The following BAIAP2 variants were observed in gnomAD, a reference collection of about 807,000 sequenced individuals.
BAIAP2 encodes the protein BAR/IMD domain containing adaptor protein 2.
In BAIAP2, 18 loss-of-function variants were observed where a neutral mutation model predicts 63.0. The observed-to-expected ratio is 0.29, with a 90% confidence interval of 0.20 to 0.42. BAIAP2 has a LOEUF of 0.42. BAIAP2 is among the 10% of genes least tolerant of loss of function. The pLI is 1.00. For missense variants in BAIAP2, 610 were observed against 734.3 expected (o/e 0.83, Z 1.96); for synonymous variants, 386 against 307.6 (o/e 1.25, Z -2.67).
intron 3 of BAIAP2, among the ~76,000 whole-genome samples, chr17:81,059,805 G>A (rs903354367): frequency 1.3e-5 from 2 of 152,156 alleles, no homozygotes; most frequent in Admixed American, 6.5e-5. Flanking sequence ...TGAGGTAGAG[G>A]ACCAGGTGTC....
At chr17:81,051,412 T>G (rs1171657386) in intron 1 of BAIAP2, among the ~76,000 whole-genome samples, 1 of 152,182 alleles carries the variant, frequency 6.6e-6, no homozygotes, top group Non-Finnish European at 1.5e-5. Context: ...TATTTATGTA[T>G]TTTTTTGAGA....
At chr17:81,094,958 C>T (rs548734199) in intron 6 of BAIAP2, among the ~76,000 whole-genome samples, 5 of 152,362 alleles carry the variant, frequency 3.3e-5, no homozygotes, top group East Asian at 1.9e-4. Context: ...AAACCAAAGC[C>T]GCCTTGGTTT....
At chr17:81,053,862 T>C in intron 2 of BAIAP2, 119 bp downstream of exon 2, 1 of 550,536 alleles carries the variant, frequency 1.8e-6, no homozygotes, top group South Asian at 2.1e-5. Flanking sequence ...CCGGGCCCCG[T>C]GGGGTGGGAG....
At chr17:81,096,875 G>A (rs1344893449) in intron 6 of BAIAP2, among the ~76,000 whole-genome samples, 1 of 152,226 alleles carries the variant, frequency 6.6e-6, no homozygotes, top group East Asian at 1.9e-4. Context: ...AGGAAGCCCT[G>A]GTAGGTGCAT....
chr17:81,085,753 G>A, intron 5 of BAIAP2, 28 bp downstream of exon 5: 1 of 1,594,026 alleles, frequency 6.3e-7, no homozygotes, highest in Admixed American at 1.7e-5. Context: ...GTGCCTGCTG[G>A]GCCCTGTGCC....
At chr17:81,104,976 A>AGCAGGGAGCTCCCCCCAACG in intron 10 of BAIAP2, 1 of 345,538 alleles carries the variant, frequency 2.9e-6, no homozygotes, top group South Asian at 4.2e-5. Flanking sequence ...TCCCCCCAAC[A>AGCAGGGAGCTCCCCCCAACG]GCAGGGATCT....
intron 2 of BAIAP2, among the ~76,000 whole-genome samples, chr17:81,055,934 G>A (rs2049481980): frequency 6.6e-6 from 1 of 152,128 alleles, no homozygotes. Flanking sequence ...CCAGCCAGGA[G>A]CTTCTTGGAT....
chr17:81,054,496 C>G (rs2049146527), intron 2 of BAIAP2, among the ~76,000 whole-genome samples: 2 of 152,186 alleles, frequency 1.3e-5, no homozygotes, highest in Admixed American at 1.3e-4. Context: ...TCTGCTGTCA[C>G]TGTGGCAGCA....
intron 13 of BAIAP2, among the ~76,000 whole-genome samples, chr17:81,113,717 C>T (rs978064251): frequency 6.6e-6 from 1 of 152,104 alleles, no homozygotes; most frequent in Non-Finnish European, 1.5e-5. Context: ...TCAGCACGCT[C>T]CACCTGGTCC....
At chr17:81,053,557 C>T (rs1045038297) in intron 1 of BAIAP2, 111 bp from the exon 2 acceptor site, 15 of 1,121,086 alleles carry the variant, frequency 1.3e-5, no homozygotes, top group Admixed American at 9.0e-5. Flanking sequence ...TTTGTGGTGT[C>T]GACCCCCAGG....
chr17:81,073,383 G>C (rs2053051222), intron 3 of BAIAP2, among the ~76,000 whole-genome samples: 1 of 152,166 alleles, frequency 6.6e-6, no homozygotes, highest in Non-Finnish European at 1.5e-5. Context: ...CCTCACCCTG[G>C]GCTCAGCCAG....
chr17:81,090,959 G>A (rs1451966893), intron 6 of BAIAP2, among the ~76,000 whole-genome samples: 1 of 152,184 alleles, frequency 6.6e-6, no homozygotes, highest in African/African-American at 2.4e-5. Flanking sequence ...CTCCACTTCT[G>A]AAGAGAGGAA....
chr17:81,075,691 C>T lies in BAIAP2; in HGVS notation c.218-9141C>T, dbSNP rs7503528. 9.0e-3 allele frequency among the ~76,000 whole-genome samples: 1,377 copies of T among 152,306 alleles called. 23 individuals carry two copies. The highest frequency in any genetic ancestry group is 0.032 in the African/African-American group (1,319 of 41,560). On this transcript the variant is annotated intron_variant, in intron 3 of 13. Transcript: ENST00000428708. ...TGCCTTTAACCCTTTCAGTGCTACG[C>T]GTATCACCACACTCCCTCTGTGCCC... is the stretch of plus-strand genomic sequence containing the variant.
intron 3 of BAIAP2, among the ~76,000 whole-genome samples, chr17:81,060,076 G>A (rs184584286): frequency 5.3e-5 from 8 of 152,232 alleles, no homozygotes; most frequent in African/African-American, 7.2e-5. Flanking sequence ...ATCTCTCCCC[G>A]GGCTCCTCCT....
intron 3 of BAIAP2, among the ~76,000 whole-genome samples, chr17:81,067,796 G>A (rs1172156983): frequency 6.6e-6 from 1 of 152,256 alleles, no homozygotes; most frequent in Non-Finnish European, 1.5e-5. Flanking sequence ...GCCAGAGCAG[G>A]GAGGACAGCT....
At chr17:81,110,649 G>A in intron 13 of BAIAP2, 5 of 1,335,986 alleles carry the variant, frequency 3.7e-6, no homozygotes, top group Non-Finnish European at 3.9e-6. Flanking sequence ...ACACGGTGCT[G>A]GCCCCAGTGA....
chr17:81,069,654 G>A (rs1263018271), intron 3 of BAIAP2, among the ~76,000 whole-genome samples: 1 of 152,186 alleles, frequency 6.6e-6, no homozygotes, highest in Admixed American at 6.5e-5. Flanking sequence ...GGCGGGGGGC[G>A]TGGTTCTCCA....
intron 3 of BAIAP2, among the ~76,000 whole-genome samples, chr17:81,068,257 G>A (rs944483250): frequency 6.6e-6 from 1 of 152,230 alleles, no homozygotes; most frequent in Non-Finnish European, 1.5e-5. Context: ...CTCTCTCCCA[G>A]GAGCAATGTT....
intron 3 of BAIAP2, among the ~76,000 whole-genome samples, chr17:81,063,539 C>T (rs964424134): frequency 1.3e-5 from 2 of 152,210 alleles, no homozygotes; most frequent in African/African-American, 4.8e-5. Context: ...TGGGGTTGTG[C>T]GGCAGCCACT....
Sources: gnomAD v4.1 joint callset for allele counts (sites outside exome capture counted in the v4.1 genomes callset) on GRCh38, gnomAD v4.1.1 for gene constraint, MANE v1.5 for transcripts, NCBI Gene and HGNC (gene_info 2026-07-23, HGNC 2026-07-21) for gene names.